COL25A1: variants seen among roughly 807,000 people sequenced by gnomAD.
COL25A1 encodes collagen alpha-1(XXV) chain.
Under a neutral mutation model 128.4 loss-of-function variants are expected in COL25A1, and 103 were observed. The ratio of observed to expected loss-of-function variants is 0.80; its 90% CI spans 0.68 to 0.94. COL25A1 has a LOEUF of 0.94. Ranked by LOEUF, COL25A1 falls within the 40% of genes least tolerant of loss-of-function variation. The pLI is 0.00. For missense variants in COL25A1, 745 were observed against 840.0 expected (o/e 0.89, Z 1.40); for synonymous variants, 279 against 277.2 (o/e 1.01, Z -0.06).
At chr4:108,929,088 T>C (rs1380370117) in intron 11 of COL25A1, among the ~76,000 whole-genome samples, 1 of 152,172 alleles carries the variant, frequency 6.6e-6, no homozygotes, top group Non-Finnish European at 1.5e-5. Context: ...TAAACAGCCA[T>C]ATGGTGTGAC....
intron 5 of COL25A1, among the ~76,000 whole-genome samples, chr4:109,013,706 C>G (rs1756918282): frequency 6.6e-6 from 1 of 152,166 alleles, no homozygotes; most frequent in Non-Finnish European, 1.5e-5. Flanking sequence ...TTAACACTCA[C>G]CGGGAAGGTC....
intron 10 of COL25A1, among the ~76,000 whole-genome samples, chr4:108,938,992 A>G (rs1747768737): frequency 6.6e-6 from 1 of 152,250 alleles, no homozygotes; most frequent in African/African-American, 2.4e-5. Flanking sequence ...TCCATTTCTT[A>G]CTTACATAAA....
chr4:109,169,910 A>C (rs1416110086), intron 3 of COL25A1, among the ~76,000 whole-genome samples: 1 of 152,162 alleles, frequency 6.6e-6, no homozygotes, highest in Non-Finnish European at 1.5e-5. Flanking sequence ...CAATATTTAA[A>C]ATTCCATACT....
At chr4:109,192,581 G>A (rs149817736) in intron 3 of COL25A1, among the ~76,000 whole-genome samples, 14 of 152,322 alleles carry the variant, frequency 9.2e-5, no homozygotes, top group Non-Finnish European at 1.3e-4. Context: ...TGGGCCTGGC[G>A]CAGTGGCTCG....
At chr4:109,186,852 G>C (rs891795158) in intron 3 of COL25A1, among the ~76,000 whole-genome samples, 6 of 152,130 alleles carry the variant, frequency 3.9e-5, no homozygotes, top group Non-Finnish European at 7.4e-5. Flanking sequence ...TCATGCATTC[G>C]ACATCAGCAA....
intron 3 of COL25A1, among the ~76,000 whole-genome samples, chr4:109,170,686 AC>A (rs1351130646): frequency 6.6e-6 from 1 of 152,142 alleles, no homozygotes; most frequent in East Asian, 1.9e-4. Context: ...TCTTACTTGA[AC>A]TCAGTAAGAT....
chr4:108,832,389 T>C lies in COL25A1; in HGVS notation c.1701A>G (p.Lys567=). 6.2e-7 allele frequency: 1 copy of C among 1,610,730 alleles called. No individual in the cohort carries two copies. The highest frequency in any genetic ancestry group is 8.5e-7 in the Non-Finnish European group (1 of 1,177,936). ...CTCAGCAACAACTTACTCTTTCTCC[T>C]TTGGGACCTGCAGGGCCATGGGGTC... The part of the protein sequence containing the change: ...PMGPHGPAGP[K]GERGEKGAMG... Residue 567 remains lysine, a synonymous_variant, in exon 32 of 38, where the codon AAA becomes AAG. Transcript: ENST00000399132.
chr4:109,196,202 A>G (rs1167548555), intron 3 of COL25A1, among the ~76,000 whole-genome samples: 1 of 152,214 alleles, frequency 6.6e-6, no homozygotes, highest in South Asian at 2.1e-4. Flanking sequence ...TCACCATTGC[A>G]GTGTTGAAAG....
intron 3 of COL25A1, among the ~76,000 whole-genome samples, chr4:109,069,249 T>G (rs1356814283): frequency 6.6e-6 from 1 of 151,640 alleles, no homozygotes; most frequent in Non-Finnish European, 1.5e-5. Flanking sequence ...TCTCATTCTG[T>G]CACCCAAGCT....
chr4:108,817,550 T>C (rs1731358658), intron 36 of COL25A1, 115 bp from the exon 37 acceptor site: 2 of 846,800 alleles, frequency 2.4e-6, no homozygotes, highest in Non-Finnish European at 3.7e-6. Context: ...ACTTTGGTCA[T>C]GGGCATCTTT....
chr4:108,947,805 C>T (rs1578858080), intron 8 of COL25A1, among the ~76,000 whole-genome samples: 1 of 152,110 alleles, frequency 6.6e-6, no homozygotes, highest in East Asian at 1.9e-4. Context: ...AATGGCTGAT[C>T]ATTGATCAGC....
At chr4:109,012,509 C>A (rs912348964) in intron 5 of COL25A1, among the ~76,000 whole-genome samples, 1 of 152,146 alleles carries the variant, frequency 6.6e-6, no homozygotes, top group East Asian at 1.9e-4. Flanking sequence ...CTGCGTGCAG[C>A]GCTCGTGGGC....
At chr4:108,847,692 A>G (rs1245369236) in intron 27 of COL25A1, among the ~76,000 whole-genome samples, 1 of 152,206 alleles carries the variant, frequency 6.6e-6, no homozygotes, top group Non-Finnish European at 1.5e-5. Context: ...GAGAAGTAAC[A>G]TAGACAGACT....
chr4:109,057,574 G>A (rs748863861), intron 3 of COL25A1, among the ~76,000 whole-genome samples: 76 of 151,748 alleles, frequency 5.0e-4, no homozygotes, highest in South Asian at 1.7e-3. Context: ...GAGCCACTGT[G>A]CCTGGCCTCA....
chr4:109,234,701 A>G (rs972000771), intron 3 of COL25A1, among the ~76,000 whole-genome samples: 2 of 152,104 alleles, frequency 1.3e-5, no homozygotes, highest in African/African-American at 4.8e-5. Flanking sequence ...AATGGTCACA[A>G]TCATATTTTC....
At chr4:109,077,978 T>C (rs1253719790) in intron 3 of COL25A1, among the ~76,000 whole-genome samples, 1 of 152,218 alleles carries the variant, frequency 6.6e-6, no homozygotes, top group Non-Finnish European at 1.5e-5. Context: ...GGAGAGAGGA[T>C]AGAAGTGGTC....
At chr4:108,865,642 GTTTTAC>G (rs1413930425) in intron 20 of COL25A1, among the ~76,000 whole-genome samples, 2 of 152,160 alleles carry the variant, frequency 1.3e-5, no homozygotes, top group African/African-American at 4.8e-5. Context: ...TTCTTTTAAT[GTTTTAC>G]TTTAAGAATT....
At chr4:108,936,993 A>G (rs1422653459) in intron 11 of COL25A1, among the ~76,000 whole-genome samples, 1 of 151,990 alleles carries the variant, frequency 6.6e-6, no homozygotes, top group Non-Finnish European at 1.5e-5. Context: ...AACATTATGC[A>G]GGATGGAAAG....
intron 3 of COL25A1, among the ~76,000 whole-genome samples, chr4:109,243,874 T>A (rs1402202710): frequency 6.6e-6 from 1 of 152,128 alleles, no homozygotes; most frequent in African/African-American, 2.4e-5. Flanking sequence ...TCTATACCTA[T>A]AAAATCTATG....
Sources: gnomAD v4.1 joint callset for allele counts (sites outside exome capture counted in the v4.1 genomes callset) on GRCh38, gnomAD v4.1.1 for gene constraint, MANE v1.5 for transcripts, NCBI Gene and HGNC (gene_info 2026-07-23, HGNC 2026-07-21) for gene names.